RUFY3: variants seen among roughly 807,000 people sequenced by gnomAD.
The protein encoded by RUFY3 is RUN and FYVE domain containing 3.
RUFY3 carries 34 observed loss-of-function variants against 84.0 expected under a neutral mutation model. That is an observed-to-expected ratio of 0.40 (90% CI 0.31 to 0.54). The LOEUF is 0.54. Ranked by LOEUF, RUFY3 falls within the 20% of genes least tolerant of loss-of-function variation. The pLI is 0.39. For missense variants in RUFY3, 507 were observed against 736.8 expected (o/e 0.69, Z 3.61); for synonymous variants, 242 against 252.9 (o/e 0.96, Z 0.41).
At chr4:70,726,241 T>C (rs1284889619) in intron 1 of RUFY3, among the ~76,000 whole-genome samples, 1 of 151,924 alleles carries the variant, frequency 6.6e-6, no homozygotes, top group Non-Finnish European at 1.5e-5. Context: ...GTGCCTGGGA[T>C]GACTCTCCAA....
At chr4:70,770,100 G>A (rs1395332853) in intron 5 of RUFY3, among the ~76,000 whole-genome samples, 1 of 152,198 alleles carries the variant, frequency 6.6e-6, no homozygotes, top group African/African-American at 2.4e-5. Context: ...GGGATTACAG[G>A]CATGAACCAC....
At chr4:70,733,021 C>T (rs1014422860) in intron 1 of RUFY3, among the ~76,000 whole-genome samples, 44 of 149,870 alleles carry the variant, frequency 2.9e-4, no homozygotes, top group Admixed American at 3.4e-4. Flanking sequence ...GAGCCAAGAT[C>T]GCGCCACTGC....
chr4:70,705,505 T>G (rs942534009), intron 1 of RUFY3, among the ~76,000 whole-genome samples: 4 of 150,136 alleles, frequency 2.7e-5, no homozygotes, highest in African/African-American at 7.6e-5. Context: ...GGCGCCGGAT[T>G]CTACCTCCGC....
intron 12 of RUFY3, chr4:70,791,887 CT>C (rs574486524): frequency 1.3e-3 from 1,301 of 985,002 alleles, no homozygotes; most frequent in Admixed American, 3.0e-3. Flanking sequence ...TTGCTTGCAA[CT>C]TTTTTTGCCT....
At chr4:70,738,128 C>A (rs1720686638) in intron 1 of RUFY3, among the ~76,000 whole-genome samples, 1 of 146,626 alleles carries the variant, frequency 6.8e-6, no homozygotes, top group African/African-American at 2.7e-5. Flanking sequence ...GGATTAGAGG[C>A]ATGCTGCACT....
chr4:70,756,238 C>G (rs1724000147), intron 1 of RUFY3, among the ~76,000 whole-genome samples: 1 of 152,208 alleles, frequency 6.6e-6, no homozygotes, highest in Non-Finnish European at 1.5e-5. Flanking sequence ...CCCCACTGCT[C>G]TAGTTCTACC....
At chr4:70,714,108 G>T (rs1229322401) in intron 1 of RUFY3, among the ~76,000 whole-genome samples, 1 of 152,098 alleles carries the variant, frequency 6.6e-6, no homozygotes, top group Non-Finnish European at 1.5e-5. Context: ...GAAGTAACTT[G>T]CCAAGGTTAC....
At chr4:70,775,944 C>CAAAAAAAAAAAAAAAA (rs11369578) in intron 7 of RUFY3, among the ~76,000 whole-genome samples, 1 of 132,292 alleles carries the variant, frequency 7.6e-6, no homozygotes, top group Non-Finnish European at 1.5e-5. Flanking sequence ...CTGTCTTAAA[C>CAAAAAAAAAAAAAAAA]AAAAAAAAAA....
At chr4:70,789,215 A>T (rs960377224) in intron 11 of RUFY3, among the ~76,000 whole-genome samples, 1 of 152,186 alleles carries the variant, frequency 6.6e-6, no homozygotes, top group African/African-American at 2.4e-5. Flanking sequence ...TTTATCCTAT[A>T]GGGTAATTTC....
At chr4:70,789,313 T>A (rs985061782) in intron 11 of RUFY3, among the ~76,000 whole-genome samples, 182 bp from the exon 12 acceptor site, 1 of 152,244 alleles carries the variant, frequency 6.6e-6, no homozygotes, top group South Asian at 2.1e-4. Context: ...ATTACTGTGA[T>A]CACACTGCAT....
intron 1 of RUFY3, among the ~76,000 whole-genome samples, chr4:70,716,000 G>A (rs1000553460): frequency 6.6e-6 from 1 of 151,972 alleles, no homozygotes; most frequent in African/African-American, 2.4e-5. Context: ...TGTAGTCCCA[G>A]CTACTTGGGA....
intron 5 of RUFY3, among the ~76,000 whole-genome samples, chr4:70,769,301 C>T (rs1471692795): frequency 6.6e-6 from 1 of 152,050 alleles, no homozygotes; most frequent in Non-Finnish European, 1.5e-5. Flanking sequence ...GCCTGGGTGA[C>T]AGTGAGACCC....
At chr4:70,795,167 T>C (rs1731346409) in intron 14 of RUFY3, among the ~76,000 whole-genome samples, 1 of 152,214 alleles carries the variant, frequency 6.6e-6, no homozygotes, top group Admixed American at 6.5e-5. Context: ...TTAAGTAAGA[T>C]TATTTTGGTG....
intron 1 of RUFY3, among the ~76,000 whole-genome samples, chr4:70,725,727 A>C (rs1718128468): frequency 6.6e-6 from 1 of 152,228 alleles, no homozygotes; most frequent in East Asian, 1.9e-4. Flanking sequence ...TTGACTCCAC[A>C]GGAGAAGGGT....
chr4:70,797,997 C>T (rs982714692), intron 14 of RUFY3, among the ~76,000 whole-genome samples: 4 of 152,144 alleles, frequency 2.6e-5, no homozygotes, highest in Admixed American at 2.6e-4. Flanking sequence ...TTAAGTTTTT[C>T]AGTCTTCAGT....
intron 1 of RUFY3, among the ~76,000 whole-genome samples, chr4:70,734,131 C>G (rs1719899873): frequency 6.6e-6 from 1 of 152,028 alleles, no homozygotes; most frequent in South Asian, 2.1e-4. Flanking sequence ...AAACACAGAC[C>G]TGTGTTTATT....
At chr4:70,751,716 T>C (rs968170125) in intron 1 of RUFY3, among the ~76,000 whole-genome samples, 1 of 152,214 alleles carries the variant, frequency 6.6e-6, no homozygotes, top group Non-Finnish European at 1.5e-5. Context: ...GATGATGTCG[T>C]TTGAAACACA....
chr4:70,711,357 C>G (rs1354830325), intron 1 of RUFY3, among the ~76,000 whole-genome samples: 1 of 152,176 alleles, frequency 6.6e-6, no homozygotes, highest in Admixed American at 6.5e-5. Context: ...GGCGTCTGCC[C>G]AGGCTGGAAC....
rs918121487 is a variant in RUFY3, at chr4:70,716,113, C to CA, written c.358+10831dup. ...TGGGTGACAGAGTGAGACTCCATCT[C>CA]AAAAAAAAAAAAGAAAATAAATCAG... On this transcript the variant is annotated intron_variant, in intron 1 of 11. Coordinates refer to the RUFY3 transcript ENST00000417478. 5.3e-3 allele frequency among the ~76,000 whole-genome samples: 722 copies of CA among 136,944 alleles called. 6 individuals are homozygous for CA. The highest frequency in any genetic ancestry group is 0.016 in the African/African-American group (611 of 37,402). 89.8% of individuals were successfully genotyped at this position (136,944 alleles called of 152,430 possible).
Sources: allele counts gnomAD v4.1 joint callset (sites outside exome capture counted in the v4.1 genomes callset), GRCh38; gene constraint gnomAD v4.1.1; transcripts MANE v1.5; gene names NCBI Gene and HGNC (gene_info 2026-07-23, HGNC 2026-07-21).